The following SPPL2A variants were observed in gnomAD, a reference collection of about 807,000 sequenced individuals.
SPPL2A encodes signal peptide peptidase like 2A, also known as signal peptide peptidase-like 2A.
A neutral mutation model predicts 63.8 loss-of-function variants in SPPL2A; 51 were observed. The ratio of observed to expected loss-of-function variants is 0.80; its 90% CI spans 0.64 to 1.01. SPPL2A has a LOEUF of 1.01. Among genes scored for constraint, SPPL2A ranks in the 50% least tolerant of loss-of-function variants. The probability of loss-of-function intolerance (pLI) is 0.00; values close to 1 mark genes in which losing one functional copy is unlikely to be tolerated. For missense variants in SPPL2A, 553 were observed against 622.7 expected (o/e 0.89, Z 1.19); for synonymous variants, 188 against 205.8 (o/e 0.91, Z 0.74).
intron 10 of SPPL2A, among the ~76,000 whole-genome samples, chr15:50,727,487 AT>A (rs1343284640): frequency 6.6e-6 from 1 of 152,194 alleles, no homozygotes; most frequent in Non-Finnish European, 1.5e-5. Flanking sequence ...TAAAGAGTTC[AT>A]TTTGGTTCAC....
intron 8 of SPPL2A, among the ~76,000 whole-genome samples, chr15:50,735,171 G>A (rs1399301247): frequency 1.3e-5 from 2 of 152,134 alleles, no homozygotes; most frequent in Non-Finnish European, 2.9e-5. Flanking sequence ...CTCCAAAAGT[G>A]CTGGGATTAC....
intron 6 of SPPL2A, among the ~76,000 whole-genome samples, chr15:50,737,814 G>A (rs2062783565): frequency 1.3e-5 from 2 of 151,984 alleles, no homozygotes; most frequent in Admixed American, 6.6e-5. Context: ...GCTCACACCT[G>A]TAATCCCAAC....
chr15:50,735,629 GGCTCACTGCAACCTCC>G (rs1462563182), intron 8 of SPPL2A, among the ~76,000 whole-genome samples: 23 of 151,992 alleles, frequency 1.5e-4, no homozygotes, highest in Middle Eastern at 3.4e-3. Flanking sequence ...GCGCGATCTT[GGCTCACTGCAACCTCC>G]GCTCACTGCA....
At chr15:50,762,362 C>A in intron 1 of SPPL2A, among the ~76,000 whole-genome samples, 1 of 121,446 alleles carries the variant, frequency 8.2e-6, no homozygotes, top group Non-Finnish European at 1.7e-5. Context: ...AGCAAGACTC[C>A]ATCTCAAAAA....
At chr15:50,723,499 A>T (rs551876243) in intron 12 of SPPL2A, among the ~76,000 whole-genome samples, 2 of 151,968 alleles carry the variant, frequency 1.3e-5, no homozygotes, top group East Asian at 3.9e-4. Flanking sequence ...TTTTTTTGAG[A>T]CAGAGTCTCA....
At chr15:50,726,691 G>C (rs993396881) in intron 10 of SPPL2A, among the ~76,000 whole-genome samples, 1 of 152,140 alleles carries the variant, frequency 6.6e-6, no homozygotes, top group Non-Finnish European at 1.5e-5. Flanking sequence ...CATTTGTAAT[G>C]GGTTAAAAAT....
chr15:50,722,584 G>A (rs1024540183), intron 12 of SPPL2A, among the ~76,000 whole-genome samples: 1 of 152,024 alleles, frequency 6.6e-6, no homozygotes, highest in African/African-American at 2.4e-5. Flanking sequence ...AGCCTCCTGA[G>A]TAGCTGGGAC....
At chr15:50,731,548 A>G (rs1160333900) in intron 9 of SPPL2A, among the ~76,000 whole-genome samples, 2 of 146,340 alleles carry the variant, frequency 1.4e-5, no homozygotes. Flanking sequence ...TCTGTCTTGG[A>G]AAAAAAAAAA....
chr15:50,747,653 C>T (rs775597748), intron 4 of SPPL2A, 25 bp from the exon 5 acceptor site: 2 of 1,569,864 alleles, frequency 1.3e-6, no homozygotes, highest in South Asian at 1.1e-5. Flanking sequence ...AACAGTTAAA[C>T]ACAGGAATAA....
At chr15:50,761,071 G>A (rs563303914) in intron 1 of SPPL2A, among the ~76,000 whole-genome samples, 3 of 152,112 alleles carry the variant, frequency 2.0e-5, no homozygotes, top group South Asian at 2.1e-4. Flanking sequence ...GTACAGTGGC[G>A]TGATCATAGC....
At chr15:50,757,245 G>A (rs1457088661) in intron 1 of SPPL2A, among the ~76,000 whole-genome samples, 1 of 151,986 alleles carries the variant, frequency 6.6e-6, no homozygotes, top group Admixed American at 6.6e-5. Flanking sequence ...ACTGCGCCCG[G>A]CTAATTTTTT....
intron 8 of SPPL2A, among the ~76,000 whole-genome samples, chr15:50,734,000 T>C (rs1210708719): frequency 6.6e-6 from 1 of 152,054 alleles, no homozygotes; most frequent in Non-Finnish European, 1.5e-5. Context: ...CCCAGAATGC[T>C]GGCAAGGATG....
At chr15:50,725,674 G>A (rs902887722) in intron 11 of SPPL2A, among the ~76,000 whole-genome samples, 5 of 151,536 alleles carry the variant, frequency 3.3e-5, no homozygotes, top group African/African-American at 1.2e-4. Flanking sequence ...CAGGTGATCT[G>A]CCTGCCTCAG....
intron 14 of SPPL2A, among the ~76,000 whole-genome samples, chr15:50,716,652 TCTAAA>T (rs1364243137): frequency 6.6e-6 from 1 of 152,194 alleles, no homozygotes; most frequent in Non-Finnish European, 1.5e-5. Context: ...AAATTTCAAT[TCTAAA>T]CTAAACAAAG....
At chr15:50,713,967 A>G (rs537794532) in intron 14 of SPPL2A, among the ~76,000 whole-genome samples, 1 of 152,234 alleles carries the variant, frequency 6.6e-6, no homozygotes, top group South Asian at 2.1e-4. Context: ...TACTATGTAG[A>G]AAAACTGAGG....
In SPPL2A at chr15:50,765,454, T is replaced by G. The variant is rs1223983185; in HGVS notation, c.66+14A>C. The G allele has an allele frequency of 1.3e-6, 2 of 1,499,702 alleles. No homozygotes were observed. The highest frequency in any genetic ancestry group is 2.7e-5 in the East Asian group (1 of 36,808). 92.9% of individuals were successfully genotyped at this position (1,499,702 alleles called of 1,614,324 possible). On this transcript the variant is annotated intron_variant, in intron 1 of 14. Coordinates refer to ENST00000261854, the MANE Select transcript of SPPL2A (RefSeq NM_032802.4). The stretch of plus-strand genomic sequence containing the variant: ...CAGCCCCTGGGAGGCCTGCGCGCCT[T>G]CCCGCCCCCTTACCAGCTGGAGCAG...
intron 5 of SPPL2A, among the ~76,000 whole-genome samples, chr15:50,743,591 T>A (rs1170695746): frequency 6.6e-6 from 1 of 151,996 alleles, no homozygotes; most frequent in African/African-American, 2.4e-5. Context: ...AAGTGATCTA[T>A]CTGCCTTGGC....
intron 5 of SPPL2A, among the ~76,000 whole-genome samples, chr15:50,743,458 A>C (rs953899698): frequency 3.3e-5 from 5 of 152,022 alleles, no homozygotes; most frequent in Non-Finnish European, 5.9e-5. Flanking sequence ...TGGTCCTCCT[A>C]CATCAGCCTC....
intron 1 of SPPL2A, among the ~76,000 whole-genome samples, chr15:50,750,992 GT>G (rs1287294649): frequency 2.8e-4 from 43 of 152,294 alleles, no homozygotes; most frequent in African/African-American, 9.1e-4. Flanking sequence ...GTCAACGTAA[GT>G]TTCTAATGAG....
Sources: gnomAD v4.1 joint callset for allele counts (sites outside exome capture counted in the v4.1 genomes callset) on GRCh38, gnomAD v4.1.1 for gene constraint, MANE v1.5 for transcripts, NCBI Gene and HGNC (gene_info 2026-07-23, HGNC 2026-07-21) for gene names.